SPON1: variants seen among roughly 807,000 people sequenced by gnomAD.
SPON1 encodes spondin 1, also known as spondin-1.
Under a neutral mutation model 111.7 loss-of-function variants are expected in SPON1, and 52 were observed. The ratio of observed to expected loss-of-function variants is 0.47; its 90% CI spans 0.37 to 0.59. The LOEUF (loss-of-function observed/expected upper bound fraction) is 0.59. Ranked by LOEUF, SPON1 falls within the 20% of genes least tolerant of loss-of-function variation. SPON1 has a pLI of 0.00. For synonymous variants in SPON1, 410 were observed against 395.8 expected, an observed-to-expected ratio of 1.04 and a Z score of -0.43; for missense variants, 957 against 1,068.5, an observed-to-expected ratio of 0.90 and a Z score of 1.46.
At chr11:14,031,583 C>T (rs547015234) in intron 2 of SPON1, among the ~76,000 whole-genome samples, 3 of 151,928 alleles carry the variant, frequency 2.0e-5, no homozygotes, top group Admixed American at 6.6e-5. Context: ...AAATCAGTAC[C>T]GCTATTAACA....
At chr11:14,029,036 A>G (rs1330955904) in intron 2 of SPON1, among the ~76,000 whole-genome samples, 1 of 151,982 alleles carries the variant, frequency 6.6e-6, no homozygotes, top group Non-Finnish European at 1.5e-5. Context: ...GTCTGTCTCT[A>G]CTTTTCTCAG....
chr11:14,124,563 A>C (rs564009405), intron 5 of SPON1, among the ~76,000 whole-genome samples: 98 of 152,212 alleles, frequency 6.4e-4, no homozygotes, highest in Non-Finnish European at 1.2e-3. Flanking sequence ...AGTCTGAGTC[A>C]TCTCAGTGTC....
At chr11:13,995,006 C>T (rs1848260583) in intron 2 of SPON1, among the ~76,000 whole-genome samples, 1 of 152,092 alleles carries the variant, frequency 6.6e-6, no homozygotes, top group Non-Finnish European at 1.5e-5. Flanking sequence ...CAAGTATTTC[C>T]ATATCATTCA....
intron 6 of SPON1, among the ~76,000 whole-genome samples, chr11:14,147,169 A>G (rs1554929417): frequency 6.6e-6 from 1 of 151,524 alleles, no homozygotes; most frequent in African/African-American, 2.4e-5. Flanking sequence ...AGCCGGGACT[A>G]TAGGCACCTG....
Position 14,135,101 on chromosome 11 carries a change from A to G in SPON1, c.677-319A>G, listed in dbSNP as rs1554927923. ...CTGCCAGAACAGTCCTTTCTACTCT[A>G]TTTTGCCTTACAAATATGATCAGCC... On this transcript the variant is annotated intron_variant, in intron 5 of 15. Coordinates refer to ENST00000576479, the MANE Select transcript of SPON1 (RefSeq NM_006108.4). The surrounding 1 kb of genome is among the most constrained non-coding windows in gnomAD (Gnocchi z 4.4). The G allele has an allele frequency of 4.9e-6, 1 of 202,472 alleles. No homozygotes were observed. Among genetic ancestry groups the G allele is most frequent in the African/African-American group, 2.3e-5 (1 of 43,762 alleles). 12.5% of individuals were successfully genotyped at this position (202,472 alleles called of 1,614,324 possible). A position where few individuals can be genotyped will look rare whatever the true frequency, so the allele number is the denominator to read the frequency against.
intron 6 of SPON1, among the ~76,000 whole-genome samples, chr11:14,151,296 A>C (rs1847785219): frequency 6.6e-6 from 1 of 152,166 alleles, no homozygotes. Context: ...AAAGCAGTCC[A>C]CCCAGCTTGC....
chr11:14,207,601 T>G (rs1243592107), intron 6 of SPON1, among the ~76,000 whole-genome samples: 1 of 151,812 alleles, frequency 6.6e-6, no homozygotes, highest in Non-Finnish European at 1.5e-5. Flanking sequence ...CTAACAACCA[T>G]ATGAAAAAAA....
intron 7 of SPON1, among the ~76,000 whole-genome samples, chr11:14,247,501 A>G (rs1170952642): frequency 6.6e-6 from 1 of 152,202 alleles, no homozygotes; most frequent in Non-Finnish European, 1.5e-5. Context: ...CCCTGTGTGA[A>G]AGGGTAGATG....
At chr11:14,166,472 G>C (rs1162091506) in intron 6 of SPON1, among the ~76,000 whole-genome samples, 1 of 152,110 alleles carries the variant, frequency 6.6e-6, no homozygotes, top group Non-Finnish European at 1.5e-5. Flanking sequence ...CTCTCCATGA[G>C]AGTCCTAGAA....
rs188225912 is a variant in SPON1, at chr11:14,029,002, C to A, written c.346-12519C>A. On this transcript the variant is annotated intron_variant, in intron 2 of 15. Transcript: ENST00000576479. ...TTTTCTTATTGAGGATTACCCACCC[C>A]TGAAAAATTACCACTTTCCCGAAGT... is the stretch of plus-strand genomic sequence containing the variant. Among the ~76,000 whole-genome samples, 11 of 152,276 alleles carry A rather than the reference C, an allele frequency of 7.2e-5. No homozygotes were observed. In the East Asian group the frequency reaches 2.1e-3, roughly 29 times the overall value.
chr11:14,209,313 C>G (rs1474944235), intron 6 of SPON1, among the ~76,000 whole-genome samples: 1 of 152,060 alleles, frequency 6.6e-6, no homozygotes, highest in African/African-American at 2.4e-5. Flanking sequence ...GCAGAACGTT[C>G]AGGTTTGTTA....
At chr11:14,149,923 G>GTATTT (rs1554929729) in intron 6 of SPON1, among the ~76,000 whole-genome samples, 3 of 151,918 alleles carry the variant, frequency 2.0e-5, no homozygotes, top group Non-Finnish European at 4.4e-5. Flanking sequence ...AGGCATGACT[G>GTATTT]GGAAATCACT....
chr11:14,103,833 C>A (rs1033511748), intron 5 of SPON1, among the ~76,000 whole-genome samples: 1 of 152,134 alleles, frequency 6.6e-6, no homozygotes, highest in African/African-American at 2.4e-5. Context: ...GCTTTTCAGT[C>A]TATTAATTTA....
At chr11:13,987,120 A>T (rs991269203) in intron 2 of SPON1, among the ~76,000 whole-genome samples, 6 of 152,292 alleles carry the variant, frequency 3.9e-5, no homozygotes, top group Middle Eastern at 3.4e-3. Flanking sequence ...CTAGATCTAG[A>T]TCTTTGAGGA....
In SPON1 at chr11:14,197,648, CAAAAA is replaced by C. The variant is rs11343423; in HGVS notation, c.826-45670_826-45666del. 8.3e-5 allele frequency among the ~76,000 whole-genome samples: 10 copies of C among 119,914 alleles called. No homozygotes were observed. The South Asian group carries it at 1.1e-3, about 13-fold the overall frequency. The allele number at this position is 119,914 out of a possible 152,430, so 78.7% of individuals were successfully genotyped here. On this transcript the variant is annotated intron_variant, in intron 6 of 15. Coordinates refer to ENST00000576479, the MANE Select transcript of SPON1 (RefSeq NM_006108.4). ...TGGAACCGCACCTCTACTAAATATACAAAAAAAAAAAAAAAAAATTAGCTGGGCAT... is the reference window on the plus strand; with the variant it reads ...TGGAACCGCACCTCTACTAAATATACAAAAAAAAAAAAATTAGCTGGGCAT...
intron 7 of SPON1, among the ~76,000 whole-genome samples, chr11:14,248,181 A>T (rs1402471170): frequency 6.6e-6 from 1 of 152,160 alleles, no homozygotes; most frequent in Non-Finnish European, 1.5e-5. Flanking sequence ...ATCGACAGGA[A>T]GGTCATCAGT....
At chr11:14,064,911 A>T (rs1528641) in intron 3 of SPON1, among the ~76,000 whole-genome samples, 69,369 of 151,934 alleles carry the variant, frequency 0.46, 16,509 homozygotes, top group South Asian at 0.65. Flanking sequence ...ATGAAAATCA[A>T]GGCTTCTACT....
intron 4 of SPON1, among the ~76,000 whole-genome samples, chr11:14,077,619 G>T (rs1227123041): frequency 2.0e-5 from 3 of 151,190 alleles, no homozygotes; most frequent in Non-Finnish European, 4.4e-5. Context: ...GTAGAGATGG[G>T]GTTTCATCTC....
At chr11:14,129,414 T>C (rs1260235169) in intron 5 of SPON1, among the ~76,000 whole-genome samples, 1 of 152,232 alleles carries the variant, frequency 6.6e-6, no homozygotes, top group Non-Finnish European at 1.5e-5. Flanking sequence ...AGAAAAATGC[T>C]GCCGCTCCCT....
Sources: gnomAD v4.1 joint callset for allele counts (sites outside exome capture counted in the v4.1 genomes callset) on GRCh38, gnomAD v4.1.1 for gene constraint, Gnocchi (gnomAD v3.1) non-coding constraint, MANE v1.5 for transcripts, NCBI Gene and HGNC (gene_info 2026-07-23, HGNC 2026-07-21) for gene names.